The following AKAP3 variants were observed in gnomAD, a reference collection of about 807,000 sequenced individuals.
AKAP3 encodes the protein A-kinase anchoring protein 3.
A neutral mutation model predicts 57.2 loss-of-function variants in AKAP3; 27 were observed. The ratio of observed to expected loss-of-function variants is 0.47; its 90% confidence interval spans 0.35 to 0.65. The LOEUF (loss-of-function observed/expected upper bound fraction) is 0.65. Ranked by LOEUF, AKAP3 falls within the 30% of genes least tolerant of loss-of-function variation. The pLI is 0.01. For missense variants in AKAP3, 959 were observed against 1,040.0 expected, an observed-to-expected ratio of 0.92 and a Z score of 1.07; for synonymous variants, 334 against 392.3, an observed-to-expected ratio of 0.85 and a Z score of 1.76.
rs765921327 is a variant in AKAP3, at chr12:4,627,168, A to G, written c.1734T>C (p.Ile578=). The G allele has an allele frequency of 3.7e-5, 60 of 1,613,978 alleles. No individual in the cohort carries two copies. The highest frequency in any genetic ancestry group is 4.7e-5 in the Non-Finnish European group (56 of 1,180,030). ...TTTCTGCTTGTTCTTGGTCACCTAC[A>G]ATGGGAGCAGACTTAAGGCAAGATT... ...PDESCLKSAP[I]VGDQEQAEKK... is the part of the protein sequence containing the mutation. Residue 578 remains isoleucine (I), a synonymous_variant, in exon 5 of 6, where the codon ATT becomes ATC. Transcript: ENST00000228850.
intron 5 of AKAP3, among the ~76,000 whole-genome samples, chr12:4,624,418 A>T (rs1945385706): frequency 6.6e-6 from 1 of 151,418 alleles, no homozygotes; most frequent in Middle Eastern, 3.4e-3. Flanking sequence ...TCTCCAGGGA[A>T]GGCAATGGGA....
At chr12:4,635,949 T>G (rs1410969098) in intron 4 of AKAP3, 2 of 988,306 alleles carry the variant, frequency 2.0e-6, no homozygotes, top group African/African-American at 1.6e-5. Flanking sequence ...GTTTTCTTTT[T>G]GGGCCCATAT....
intron 5 of AKAP3, among the ~76,000 whole-genome samples, chr12:4,622,828 T>C (rs1178575241): frequency 1.4e-5 from 2 of 147,816 alleles, no homozygotes; most frequent in Non-Finnish European, 2.9e-5. Flanking sequence ...AAACTATTAA[T>C]AGAGTAAACA....
intron 2 of AKAP3, among the ~76,000 whole-genome samples, chr12:4,643,015 T>C (rs946305011): frequency 6.6e-6 from 1 of 152,236 alleles, no homozygotes; most frequent in Non-Finnish European, 1.5e-5. Flanking sequence ...GGGAGATACG[T>C]TCACCGCACA....
intron 5 of AKAP3, among the ~76,000 whole-genome samples, chr12:4,624,809 G>GGTGTGTGTGTGTGTGTGTGTGTGTGT (rs1555126704): frequency 0.026 from 2,251 of 87,794 alleles, 57 homozygotes; most frequent in East Asian, 0.097. Flanking sequence ...AGTAGACAAA[G>GGTGTGTGTGTGTGTGTGTGTGTGTGT]GTGTGTGTGT....
At chr12:4,648,020 C>T (rs1945720073) in intron 1 of AKAP3, 1 of 152,200 alleles carries the variant, frequency 6.6e-6, no homozygotes, top group Admixed American at 6.5e-5. Flanking sequence ...CCCGCCCTCC[C>T]CAAACTAGGT....
intron 5 of AKAP3, among the ~76,000 whole-genome samples, chr12:4,623,180 A>G (rs1263676741): frequency 1.3e-5 from 2 of 152,220 alleles, no homozygotes; most frequent in African/African-American, 4.8e-5. Context: ...TAGCTCAACC[A>G]TTGTCAAAAG....
chr12:4,627,572 TCTC>T lies in AKAP3; in HGVS notation c.1327_1329del (p.Glu443del). 6.2e-7 allele frequency: 1 copy of T among 1,614,168 alleles called. No homozygotes were observed. The highest frequency in any genetic ancestry group is 1.6e-4 in the Middle Eastern group (1 of 6,062). On this transcript the variant is annotated inframe_deletion, in exon 5 of 6. Transcript: ENST00000228850. ...TGCTCACCCAGAGTTTTCGCACAAG[TCTC>T]CTCCTCTGATTTGGGTTCAGAATAC...
intron 1 of AKAP3, 183 bp from the exon 2 acceptor site, chr12:4,645,375 G>A (rs1945686347): frequency 1.3e-5 from 2 of 152,286 alleles, no homozygotes; most frequent in South Asian, 4.1e-4. Flanking sequence ...TTAGAGCAGT[G>A]GTCCCCAAAC....
chr12:4,640,021 T>C (rs986604039), intron 3 of AKAP3, among the ~76,000 whole-genome samples: 1 of 152,108 alleles, frequency 6.6e-6, no homozygotes, highest in African/African-American at 2.4e-5. Flanking sequence ...TTTCACCGTG[T>C]TAGCCAGGAT....
intron 5 of AKAP3, among the ~76,000 whole-genome samples, chr12:4,620,513 C>CTT (rs1311366584): frequency 1.4e-5 from 2 of 147,026 alleles, no homozygotes; most frequent in African/African-American, 5.0e-5. Flanking sequence ...TGTAACCCTA[C>CTT]TTCATACCTT....
At chr12:4,639,880 C>A (rs2137447490) in intron 3 of AKAP3, among the ~76,000 whole-genome samples, 1 of 146,990 alleles carries the variant, frequency 6.8e-6, no homozygotes, top group East Asian at 2.0e-4. Context: ...GCAGTGGCAC[C>A]ATCTCGGCTC....
In AKAP3 at chr12:4,628,277, G is replaced by T. The variant is rs754233969; in HGVS notation, c.625C>A (p.Pro209Thr). The T allele has an allele frequency of 6.2e-7, 1 of 1,614,062 alleles. No individual in the cohort carries two copies. Among genetic ancestry groups the T allele is most frequent in the East Asian group, 2.2e-5 (1 of 44,864 alleles). ...GDRVSGSSQSPPNLKYKSTLK... is the reference protein window; with the variant it reads ...GDRVSGSSQSTPNLKYKSTLK... Reference sequence around the variant, plus strand: ...GTGGACTTGTATTTCAAATTTGGGGGACTTTGTGATGATCCCGAGACTCTG... The same window carrying T: ...GTGGACTTGTATTTCAAATTTGGGGTACTTTGTGATGATCCCGAGACTCTG... Residue 209 changes from proline to threonine, a missense_variant, in exon 5 of 6, where the codon CCC becomes ACC. Transcript: ENST00000228850.
In AKAP3 at chr12:4,626,958, A is replaced by G; in HGVS notation, c.1944T>C (p.Gly648=). ...PRLYEDDETP[G]ALSGLTKMAV... is the part of the protein sequence containing the mutation. ...CCATCTTGGTCAGCCCAGAAAGGGC[A>G]CCAGGGGTCTCATCATCCTCATATA... The change falls in exon 5 of 6, where the codon GGT becomes GGC. Residue 648 remains glycine, a synonymous_variant. Coordinates refer to ENST00000228850, the MANE Select transcript of AKAP3 (RefSeq NM_001278309.2). 1 of 1,614,156 alleles carries G rather than the reference A, an allele frequency of 6.2e-7. No individual in the cohort carries two copies. The highest frequency in any genetic ancestry group is 8.5e-7 in the Non-Finnish European group (1 of 1,180,014).
chr12:4,622,021 A>G (rs1199049706), intron 5 of AKAP3, among the ~76,000 whole-genome samples: 1 of 152,176 alleles, frequency 6.6e-6, no homozygotes, highest in Non-Finnish European at 1.5e-5. Context: ...CCTACAATGC[A>G]ATAAGAAAAT....
intron 5 of AKAP3, among the ~76,000 whole-genome samples, chr12:4,620,474 C>CAAAAAA (rs35307509): frequency 8.5e-5 from 7 of 82,666 alleles, no homozygotes; most frequent in East Asian, 3.7e-4. Flanking sequence ...GAGACTGTCT[C>CAAAAAA]AAAAAAAAAA....
intron 4 of AKAP3, among the ~76,000 whole-genome samples, chr12:4,631,920 C>T (rs1945503167): frequency 1.3e-5 from 2 of 151,936 alleles, no homozygotes; most frequent in Admixed American, 1.3e-4. Flanking sequence ...GTTTACAGAT[C>T]CAAAAAAGCC....
chr12:4,639,078 T>C (rs6489556), intron 3 of AKAP3, among the ~76,000 whole-genome samples: 149,332 of 152,294 alleles, frequency 0.98, 73,291 homozygotes, highest in Middle Eastern at 1. Context: ...TGATTCTCCT[T>C]GCAAATGAGT....
chr12:4,625,736 G>C lies in AKAP3; in HGVS notation c.2406+760C>G, dbSNP rs1032474189. 1.3e-5 allele frequency among the ~76,000 whole-genome samples: 2 copies of C among 151,736 alleles called. No individual in the cohort carries two copies. Among genetic ancestry groups the C allele is most frequent in the African/African-American group, 4.9e-5 (2 of 41,118 alleles). On this transcript the variant is annotated intron_variant, in intron 5 of 5. Coordinates refer to ENST00000228850, the MANE Select transcript of AKAP3 (RefSeq NM_001278309.2). The surrounding 1 kb of genome is among the most constrained non-coding windows in gnomAD (Gnocchi z 5.4). ...GAGAGAGCAAGCGAGCGAGAAGGCA[G>C]AGAGGAGAGAGAAGAGAAGGTTGTA...
Sources: allele counts gnomAD v4.1 joint callset (sites outside exome capture counted in the v4.1 genomes callset), GRCh38; gene constraint gnomAD v4.1.1; non-coding constraint Gnocchi (gnomAD v3.1); transcripts MANE v1.5; gene names NCBI Gene and HGNC (gene_info 2026-07-23, HGNC 2026-07-21).